The following VPS13B variants were observed in gnomAD, a reference collection of about 807,000 sequenced individuals.
VPS13B encodes the protein vacuolar protein sorting 13 homolog B.
VPS13B carries 285 observed loss-of-function variants against 426.4 expected under a neutral mutation model. The observed-to-expected ratio is 0.67, with a 90% CI of 0.61 to 0.74. VPS13B has a LOEUF of 0.74. Among genes scored for constraint, VPS13B ranks in the 30% least tolerant of loss-of-function variants. The probability of loss-of-function intolerance (pLI) is 0.00; values close to 1 mark genes in which losing one functional copy is unlikely to be tolerated. For synonymous variants in VPS13B, 1,676 were observed against 1,676.4 expected, an observed-to-expected ratio of 1.00 and a Z score of 0.01; for missense variants, 4,537 against 4,782.6, an observed-to-expected ratio of 0.95 and a Z score of 1.51.
chr8:99,100,976 G>A (rs1297908697), intron 4 of VPS13B, among the ~76,000 whole-genome samples: 1 of 151,854 alleles, frequency 6.6e-6, no homozygotes, highest in East Asian at 2.0e-4. Context: ...CCCGGGAGGC[G>A]GAGGTTGTCG....
intron 16 of VPS13B, among the ~76,000 whole-genome samples, chr8:99,186,839 G>A (rs552366785): frequency 2.6e-5 from 4 of 151,950 alleles, no homozygotes; most frequent in Admixed American, 1.3e-4. Context: ...CCTACCCTTG[G>A]GCATTACTAA....
chr8:99,206,595 A>G (rs1038404322), intron 17 of VPS13B, among the ~76,000 whole-genome samples: 10 of 152,170 alleles, frequency 6.6e-5, no homozygotes, highest in African/African-American at 2.2e-4. Context: ...TCTCTTGTGG[A>G]GTGAAGTCAA....
intron 3 of VPS13B, among the ~76,000 whole-genome samples, chr8:99,047,573 G>A (rs1426132999): frequency 6.6e-6 from 1 of 151,864 alleles, no homozygotes; most frequent in Non-Finnish European, 1.5e-5. Flanking sequence ...GCTGGCTTTG[G>A]GTTTGGTTTG....
At chr8:99,402,993 A>G (rs1213899595) in intron 21 of VPS13B, among the ~76,000 whole-genome samples, 1 of 152,270 alleles carries the variant, frequency 6.6e-6, no homozygotes, top group Non-Finnish European at 1.5e-5. Context: ...GGACTCTTCA[A>G]TTGCAAGAGA....
At chr8:99,779,580 CTTGA>C (rs1259973907) in intron 42 of VPS13B, among the ~76,000 whole-genome samples, 2 of 151,902 alleles carry the variant, frequency 1.3e-5, no homozygotes, top group African/African-American at 4.8e-5. Flanking sequence ...ATTAGAGAGC[CTTGA>C]TTATTTTAAT....
At chr8:99,600,258 G>A (rs1462772292) in intron 33 of VPS13B, among the ~76,000 whole-genome samples, 1 of 152,082 alleles carries the variant, frequency 6.6e-6, no homozygotes, top group Non-Finnish European at 1.5e-5. Context: ...AGATTGGATA[G>A]ATATGGAAAC....
chr8:99,862,053 G>C, intron 58 of VPS13B, 107 bp downstream of exon 58: 1 of 1,342,620 alleles, frequency 7.4e-7, no homozygotes, highest in East Asian at 2.5e-5. Context: ...ACCAGGAAAT[G>C]CTCAGAGAAG....
chr8:99,178,345 T>C (rs1424991780), intron 16 of VPS13B, among the ~76,000 whole-genome samples: 1 of 140,068 alleles, frequency 7.1e-6, no homozygotes, highest in East Asian at 2.2e-4. Flanking sequence ...CATTGGCGGT[T>C]CCCATATTCA....
intron 39 of VPS13B, among the ~76,000 whole-genome samples, chr8:99,756,718 A>G (rs186007151): frequency 6.6e-6 from 1 of 152,358 alleles, no homozygotes; most frequent in Admixed American, 6.5e-5. Flanking sequence ...CTAATGAGAA[A>G]AAGCCTGCCA....
chr8:99,569,150 CT>C (rs1459339358), intron 31 of VPS13B, among the ~76,000 whole-genome samples: 1 of 152,074 alleles, frequency 6.6e-6, no homozygotes, highest in Non-Finnish European at 1.5e-5. Context: ...GTATCTTCTG[CT>C]CTAGCATCTT....
At chr8:99,289,562 A>G (rs569370531) in intron 19 of VPS13B, among the ~76,000 whole-genome samples, 41 of 152,244 alleles carry the variant, frequency 2.7e-4, no homozygotes, top group African/African-American at 9.6e-4. Flanking sequence ...AAATGTCAAG[A>G]ATCTAAAGAC....
intron 23 of VPS13B, among the ~76,000 whole-genome samples, chr8:99,447,982 A>G (rs1052607233): frequency 1.3e-5 from 2 of 151,674 alleles, no homozygotes. Context: ...TCCTGCCAAC[A>G]TCTACTGCTT....
chr8:99,401,059 T>G (rs1300433049), intron 21 of VPS13B, among the ~76,000 whole-genome samples: 1 of 152,212 alleles, frequency 6.6e-6, no homozygotes, highest in Non-Finnish European at 1.5e-5. Context: ...TTCCAATTGT[T>G]GGTTTTAATG....
At chr8:99,280,563 CA>C (rs1404077447) in intron 19 of VPS13B, among the ~76,000 whole-genome samples, 1 of 152,146 alleles carries the variant, frequency 6.6e-6, no homozygotes, top group African/African-American at 2.4e-5. Flanking sequence ...GACAGATGTT[CA>C]AGGGTATAAA....
chr8:99,464,500 T>C (rs1480377529), intron 23 of VPS13B, among the ~76,000 whole-genome samples: 7 of 152,204 alleles, frequency 4.6e-5, no homozygotes, highest in Admixed American at 4.6e-4. Context: ...TTTGTATAAA[T>C]AGTCATTGTT....
At chr8:99,679,927 A>G (rs533758097) in intron 35 of VPS13B, among the ~76,000 whole-genome samples, 1 of 152,326 alleles carries the variant, frequency 6.6e-6, no homozygotes, top group South Asian at 2.1e-4. Flanking sequence ...ATTATAATAC[A>G]TAAGGTCAAC....
At chr8:99,687,939 C>G (rs1451513504) in intron 35 of VPS13B, among the ~76,000 whole-genome samples, 1 of 151,888 alleles carries the variant, frequency 6.6e-6, no homozygotes, top group Non-Finnish European at 1.5e-5. Context: ...TTGGCCTAGC[C>G]TTGTGAATGA....
At chr8:99,511,558 C>G in intron 29 of VPS13B, 46 bp downstream of exon 29, 3 of 1,578,512 alleles carry the variant, frequency 1.9e-6, no homozygotes, top group Middle Eastern at 1.7e-4. Context: ...TAATTTTCTT[C>G]TAGAGACCTT....
At chr8:99,718,920 A>C (rs1394150731) in intron 37 of VPS13B, among the ~76,000 whole-genome samples, 1 of 152,108 alleles carries the variant, frequency 6.6e-6, no homozygotes, top group Non-Finnish European at 1.5e-5. Context: ...TGCTGGGATT[A>C]CAGGCATGAG....
Sources: allele counts gnomAD v4.1 joint callset (sites outside exome capture counted in the v4.1 genomes callset), GRCh38; gene constraint gnomAD v4.1.1; transcripts MANE v1.5; gene names NCBI Gene and HGNC (gene_info 2026-07-23, HGNC 2026-07-21).